TPM4: variants seen among roughly 807,000 people sequenced by gnomAD.
The protein encoded by TPM4 is tropomyosin alpha-4 chain.
Under a neutral mutation model 35.8 loss-of-function variants are expected in TPM4, and 17 were observed. The ratio of observed to expected loss-of-function variants is 0.47; its 90% confidence interval spans 0.32 to 0.71. The LOEUF is 0.71. TPM4 is among the 30% of genes least tolerant of loss of function. TPM4 has a pLI of 0.03. For synonymous variants in TPM4, 120 were observed against 122.9 expected (o/e 0.98, Z 0.15); for missense variants, 240 against 320.9 (o/e 0.75, Z 1.93).
chr19:16,088,141 G>C, intron 4 of TPM4, 44 bp downstream of exon 4: 1 of 1,584,010 alleles, frequency 6.3e-7, no homozygotes, highest in East Asian at 2.3e-5. Flanking sequence ...TCGATTCCTG[G>C]GGCGGAGTGG....
chr19:16,090,914 G>A (rs1466303952), intron 5 of TPM4, among the ~76,000 whole-genome samples: 3 of 148,050 alleles, frequency 2.0e-5, no homozygotes, highest in Non-Finnish European at 4.4e-5. Flanking sequence ...TGATCCACCT[G>A]CCTCTGTCTC....
chr19:16,094,605 A>G (rs2090671424), intron 7 of TPM4, among the ~76,000 whole-genome samples: 2 of 150,326 alleles, frequency 1.3e-5, no homozygotes. Flanking sequence ...TTTTTTTTTT[A>G]CATGCCTTGC....
At chr19:16,093,974 T>TTTTC (rs1249096374) in intron 7 of TPM4, among the ~76,000 whole-genome samples, 7 of 146,312 alleles carry the variant, frequency 4.8e-5, no homozygotes, top group African/African-American at 7.6e-5. Context: ...TTTTTTTTTT[T>TTTTC]CTATGAGACG....
chr19:16,079,270 G>A (rs1049537621), intron 1 of TPM4, among the ~76,000 whole-genome samples: 13 of 152,100 alleles, frequency 8.5e-5, no homozygotes, highest in Admixed American at 2.0e-4. Context: ...TCAATTCCTC[G>A]ACTGCTAATG....
chr19:16,076,750 C>T (rs2090412245), intron 1 of TPM4, 53 bp downstream of exon 1: 2 of 1,281,918 alleles, frequency 1.6e-6, no homozygotes, highest in Non-Finnish European at 2.0e-6. Flanking sequence ...CCCGCGCGCC[C>T]TCCTTTCTTC....
chr19:16,081,003 G>A (rs1463484731), intron 1 of TPM4: 5 of 398,208 alleles, frequency 1.3e-5, no homozygotes, highest in Non-Finnish European at 2.2e-5. Context: ...ATATCTTTTT[G>A]TCCTGCCATC....
At chr19:16,077,927 A>C in intron 1 of TPM4, 8 of 334,298 alleles carry the variant, frequency 2.4e-5, no homozygotes, top group Admixed American at 4.9e-5. Context: ...ACGCCCAGCT[A>C]ATTTTTTTTT....
intron 5 of TPM4, among the ~76,000 whole-genome samples, 156 bp downstream of exon 5, chr19:16,089,276 C>G (rs971962092): frequency 6.6e-6 from 1 of 152,114 alleles, no homozygotes; most frequent in African/African-American, 2.4e-5. Flanking sequence ...ACAGAAAGAG[C>G]TGGATTTCTC....
chr19:16,086,753 G>T (rs147661942), intron 3 of TPM4, among the ~76,000 whole-genome samples: 411 of 152,262 alleles, frequency 2.7e-3, no homozygotes, highest in Middle Eastern at 0.01. Context: ...AACGTAATGG[G>T]AAAACCGAAT....
chr19:16,088,333 A>G, intron 4 of TPM4: 3 of 1,355,114 alleles, frequency 2.2e-6, no homozygotes, highest in Non-Finnish European at 2.9e-6. Flanking sequence ...ATGAGGAAAT[A>G]GGAGTGAGAC....
At chr19:16,098,594 G>T (rs1012557620) in intron 7 of TPM4, among the ~76,000 whole-genome samples, 3 of 152,144 alleles carry the variant, frequency 2.0e-5, no homozygotes, top group Admixed American at 6.5e-5. Flanking sequence ...CAAAATAGAT[G>T]CTAAAGCATC....
intron 1 of TPM4, chr19:16,080,832 G>T: frequency 2.6e-6 from 1 of 386,302 alleles, no homozygotes; most frequent in African/African-American, 2.1e-5. Context: ...AAAAGAAAAT[G>T]ACAAAGCGGG....
intron 2 of TPM4, among the ~76,000 whole-genome samples, chr19:16,082,312 C>A (rs2090493405): frequency 6.6e-6 from 1 of 152,120 alleles, no homozygotes; most frequent in African/African-American, 2.4e-5. Context: ...AGTTTGAGAC[C>A]AGCCTGGCCA....
chr19:16,098,231 T>C (rs1287944536), intron 7 of TPM4, among the ~76,000 whole-genome samples: 1 of 152,092 alleles, frequency 6.6e-6, no homozygotes, highest in East Asian at 1.9e-4. Context: ...TCACTTGAGG[T>C]CAGAAGTTCA....
intron 1 of TPM4, 98 bp from the exon 2 acceptor site, chr19:16,081,815 G>A (rs7247875): frequency 0.4 from 563,058 of 1,393,356 alleles, 117,205 homozygotes; most frequent in East Asian, 0.73. Context: ...GGGCTTTGAC[G>A]GGGAAGATCA....
intron 7 of TPM4, chr19:16,099,976 A>G (rs1189002926): frequency 1.3e-5 from 2 of 152,212 alleles, no homozygotes; most frequent in Non-Finnish European, 2.9e-5. Context: ...CGAAGGAAAG[A>G]TGGGTTACAG....
At chr19:16,080,224 A>G (rs1167496161) in intron 1 of TPM4, 1 of 202,488 alleles carries the variant, frequency 4.9e-6, no homozygotes, top group East Asian at 7.6e-5. Flanking sequence ...GGTGGGTCTT[A>G]AGAGGCCATT....
upstream of TPM4, chr19:16,075,769 A>G: frequency 2.8e-6 from 1 of 361,870 alleles, no homozygotes; most frequent in East Asian, 5.7e-5. Context: ...TGGAGTCTTC[A>G]GTTTCCCAAA....
intron 1 of TPM4, among the ~76,000 whole-genome samples, chr19:16,078,597 T>G (rs572620750): frequency 6.6e-6 from 1 of 152,298 alleles, no homozygotes; most frequent in African/African-American, 2.4e-5. Context: ...CTTGCTCTGA[T>G]CTCATCCCAA....
Sources: gnomAD v4.1 joint callset for allele counts (sites outside exome capture counted in the v4.1 genomes callset) on GRCh38, gnomAD v4.1.1 for gene constraint, MANE v1.5 for transcripts, NCBI Gene and HGNC (gene_info 2026-07-23, HGNC 2026-07-21) for gene names.